Variants in PDE4D observed in about 807,000 individuals in gnomAD.
PDE4D encodes phosphodiesterase 4D.
PDE4D carries 24 observed loss-of-function variants against 87.4 expected under a neutral mutation model. The observed-to-expected ratio is 0.27, with a 90% CI of 0.20 to 0.39. The LOEUF is 0.39. Among genes scored for constraint, PDE4D ranks in the 10% least tolerant of loss-of-function variants. The probability of loss-of-function intolerance (pLI) is 1.00; values close to 1 mark genes in which losing one functional copy is unlikely to be tolerated. For missense variants in PDE4D, 714 were observed against 1,041.0 expected, an observed-to-expected ratio of 0.69 and a Z score of 4.32; for synonymous variants, 384 against 383.2, an observed-to-expected ratio of 1.00 and a Z score of -0.02.
chr5:60,187,650 CATT>C (rs1784887079), intron 1 of PDE4D, among the ~76,000 whole-genome samples: 2 of 152,120 alleles, frequency 1.3e-5, no homozygotes, highest in African/African-American at 4.8e-5. Flanking sequence ...TAAAGACCAT[CATT>C]AAGAGATACT....
chr5:59,691,224 T>C (rs1038032664), intron 1 of PDE4D, among the ~76,000 whole-genome samples: 3 of 152,200 alleles, frequency 2.0e-5, no homozygotes, highest in Non-Finnish European at 4.4e-5. Flanking sequence ...TTACTGGGTA[T>C]ATACCCAAAG....
chr5:60,303,697 G>A (rs1754154620), intron 1 of PDE4D, among the ~76,000 whole-genome samples: 2 of 152,170 alleles, frequency 1.3e-5, no homozygotes, highest in African/African-American at 4.8e-5. Context: ...GCATTTGCGA[G>A]GCGTGTTTTA....
intron 3 of PDE4D, among the ~76,000 whole-genome samples, chr5:59,905,462 A>T (rs1358140065): frequency 6.6e-6 from 1 of 152,112 alleles, no homozygotes. Context: ...TCACAGTTAA[A>T]TATTATTCAT....
intron 6 of PDE4D, among the ~76,000 whole-genome samples, chr5:59,007,501 A>G (rs1174757365): frequency 6.6e-6 from 1 of 152,200 alleles, no homozygotes; most frequent in Non-Finnish European, 1.5e-5. Flanking sequence ...AGAGGCAGAC[A>G]ATAATCTAGA....
intron 1 of PDE4D, among the ~76,000 whole-genome samples, chr5:59,742,375 A>T (rs1235222990): frequency 6.6e-6 from 1 of 152,148 alleles, no homozygotes; most frequent in Non-Finnish European, 1.5e-5. Context: ...TCCTTTTTGC[A>T]TATAATCATT....
intron 3 of PDE4D, among the ~76,000 whole-genome samples, chr5:59,951,951 T>C (rs565448446): frequency 1.7e-4 from 26 of 152,274 alleles, no homozygotes; most frequent in Middle Eastern, 6.8e-3. Flanking sequence ...CCTTTCTCTG[T>C]CCCTGATATG....
At chr5:60,038,040 G>C (rs1768002708) in intron 2 of PDE4D, among the ~76,000 whole-genome samples, 1 of 152,088 alleles carries the variant, frequency 6.6e-6, no homozygotes, top group African/African-American at 2.4e-5. Context: ...ATATAGATGA[G>C]TAGGTCGCGA....
chr5:58,977,055 C>T, intron 12 of PDE4D, 136 bp downstream of exon 12: 1 of 733,830 alleles, frequency 1.4e-6, no homozygotes, highest in Non-Finnish European at 2.2e-6. Flanking sequence ...GCATCACGGG[C>T]AGCTTCTATA....
At chr5:59,596,825 T>A (rs982726744) in intron 1 of PDE4D, among the ~76,000 whole-genome samples, 4 of 152,104 alleles carry the variant, frequency 2.6e-5, no homozygotes, top group Non-Finnish European at 5.9e-5. Flanking sequence ...TGAAATGTCC[T>A]AAGTGAAATT....
At chr5:60,381,739 A>G (rs780600891) in intron 1 of PDE4D, among the ~76,000 whole-genome samples, 1 of 152,232 alleles carries the variant, frequency 6.6e-6, no homozygotes, top group Non-Finnish European at 1.5e-5. Flanking sequence ...TTCCATATCC[A>G]GGTAGGAACA....
intron 1 of PDE4D, among the ~76,000 whole-genome samples, chr5:59,277,317 G>C (rs1178532689): frequency 1.3e-5 from 2 of 152,112 alleles, no homozygotes; most frequent in East Asian, 3.9e-4. Flanking sequence ...TTTCCACATA[G>C]TTATCCCCTT....
intron 1 of PDE4D, among the ~76,000 whole-genome samples, chr5:59,494,945 C>T (rs1421992083): frequency 6.6e-6 from 1 of 152,166 alleles, no homozygotes; most frequent in Admixed American, 6.5e-5. Context: ...GTTTTTAACA[C>T]AGGCTCCTGT....
At chr5:60,263,347 G>A (rs912045651) in intron 1 of PDE4D, among the ~76,000 whole-genome samples, 1 of 152,112 alleles carries the variant, frequency 6.6e-6, no homozygotes, top group African/African-American at 2.4e-5. Flanking sequence ...TAACACCTGA[G>A]ACAACCGTGA....
At chr5:59,388,085 C>A (rs939692818) in intron 1 of PDE4D, among the ~76,000 whole-genome samples, 9 of 152,012 alleles carry the variant, frequency 5.9e-5, no homozygotes, top group Admixed American at 5.2e-4. Flanking sequence ...AACATAACGT[C>A]ATCCAGATTC....
rs1202988060 is a variant in PDE4D, at chr5:59,654,866, TTA to T, written c.455+238300_455+238301del. On this transcript the variant is annotated intron_variant, in intron 1 of 14. Coordinates refer to ENST00000340635, the MANE Select transcript of PDE4D (RefSeq NM_001104631.2). ...TCATTTAGCATAATGTTTTCAAGGT[TTA>T]TACATGTAATAGCATGCATTGATAC... Among the ~76,000 whole-genome samples the T allele has an allele frequency of 6.6e-5, 10 of 152,308 alleles. No homozygotes were observed. The South Asian group carries it at 2.1e-3, about 32-fold the overall frequency.
At chr5:59,676,414 G>T (rs1748089397) in intron 1 of PDE4D, among the ~76,000 whole-genome samples, 1 of 152,078 alleles carries the variant, frequency 6.6e-6, no homozygotes. Flanking sequence ...TTTATTAACA[G>T]CTTTCTCTTA....
At chr5:59,556,526 C>T (rs558137693) in intron 1 of PDE4D, among the ~76,000 whole-genome samples, 5 of 152,314 alleles carry the variant, frequency 3.3e-5, no homozygotes, top group African/African-American at 1.2e-4. Context: ...ACAGCACTCA[C>T]TGTTTATCCA....
chr5:59,013,088 T>C (rs915212116), intron 6 of PDE4D, among the ~76,000 whole-genome samples: 5 of 152,190 alleles, frequency 3.3e-5, no homozygotes, highest in Admixed American at 3.3e-4. Context: ...ATAAAGATGT[T>C]CTTTGAAACC....
intron 6 of PDE4D, among the ~76,000 whole-genome samples, chr5:59,010,863 C>T (rs1314754375): frequency 3.3e-5 from 5 of 152,112 alleles, no homozygotes; most frequent in Admixed American, 6.5e-5. Context: ...CCCTGACCCC[C>T]GAGTAGCCTA....
Sources: allele counts gnomAD v4.1 joint callset (sites outside exome capture counted in the v4.1 genomes callset), GRCh38; gene constraint gnomAD v4.1.1; transcripts MANE v1.5; gene names NCBI Gene and HGNC (gene_info 2026-07-23, HGNC 2026-07-21).